Variants in AGMO observed in about 807,000 individuals in gnomAD.
The protein encoded by AGMO is alkylglycerol monooxygenase.
A neutral mutation model predicts 60.2 loss-of-function variants in AGMO; 75 were observed. The ratio of observed to expected loss-of-function variants is 1.25; its 90% CI spans 1.03 to 1.51. The LOEUF (loss-of-function observed/expected upper bound fraction) is 1.51, where lower values mean the gene tolerates loss of function less well. Ranked by LOEUF, AGMO falls within the 40% of genes most tolerant of loss-of-function variation. AGMO has a pLI of 0.00. For synonymous variants in AGMO, 261 were observed against 177.1 expected, an observed-to-expected ratio of 1.47 and a Z score of -3.76; for missense variants, 763 against 525.5, an observed-to-expected ratio of 1.45 and a Z score of -4.42.
chr7:15,271,961 G>A (rs1783623740), intron 12 of AGMO, among the ~76,000 whole-genome samples: 1 of 152,004 alleles, frequency 6.6e-6, no homozygotes, highest in East Asian at 1.9e-4. Flanking sequence ...TATGCAGTGG[G>A]TCACATTTAT....
intron 12 of AGMO, among the ~76,000 whole-genome samples, chr7:15,323,870 T>A (rs1781257310): frequency 6.6e-6 from 1 of 152,208 alleles, no homozygotes; most frequent in African/African-American, 2.4e-5. Flanking sequence ...TTCTTTGCTT[T>A]CAGCTTGTTT....
intron 3 of AGMO, among the ~76,000 whole-genome samples, chr7:15,442,719 A>C (rs1781592264): frequency 6.6e-6 from 1 of 151,724 alleles, no homozygotes; most frequent in Non-Finnish European, 1.5e-5. Flanking sequence ...GAGGACAGGC[A>C]CTCCTGCCTT....
chr7:15,380,261 C>A (rs1279730916), intron 10 of AGMO, among the ~76,000 whole-genome samples: 1 of 152,022 alleles, frequency 6.6e-6, no homozygotes, highest in Non-Finnish European at 1.5e-5. Flanking sequence ...CCTAGAAAAC[C>A]CCATGGTGTC....
At chr7:15,280,891 A>G (rs1052758087) in intron 12 of AGMO, among the ~76,000 whole-genome samples, 7 of 152,218 alleles carry the variant, frequency 4.6e-5, no homozygotes, top group Admixed American at 1.3e-4. Context: ...TCTAATGTAG[A>G]TAGAGTCTAC....
intron 12 of AGMO, among the ~76,000 whole-genome samples, chr7:15,326,515 C>T (rs548976725): frequency 6.6e-6 from 1 of 152,296 alleles, no homozygotes; most frequent in African/African-American, 2.4e-5. Context: ...GAAGGCCTCT[C>T]AAGGATGCTT....
At chr7:15,345,120 C>G (rs1234044005) in intron 12 of AGMO, among the ~76,000 whole-genome samples, 1 of 152,168 alleles carries the variant, frequency 6.6e-6, no homozygotes, top group African/African-American at 2.4e-5. Flanking sequence ...AAATGCAAAT[C>G]TAATCAAATG....
At chr7:15,229,557 A>G (rs2128499050) in intron 12 of AGMO, among the ~76,000 whole-genome samples, 1 of 149,706 alleles carries the variant, frequency 6.7e-6, no homozygotes, top group Middle Eastern at 3.5e-3. Flanking sequence ...ACCCTTTGAA[A>G]AGTGAGTTCA....
intron 3 of AGMO, among the ~76,000 whole-genome samples, chr7:15,526,758 G>C (rs1784139563): frequency 1.3e-5 from 2 of 152,110 alleles, no homozygotes; most frequent in Non-Finnish European, 2.9e-5. Context: ...GCAAATTGAA[G>C]GTTTGTGGCA....
At chr7:15,298,899 CTT>C (rs1784477419) in intron 12 of AGMO, among the ~76,000 whole-genome samples, 4 of 152,266 alleles carry the variant, frequency 2.6e-5, no homozygotes, top group African/African-American at 4.8e-5. Flanking sequence ...ATTCATCACT[CTT>C]TGTCTCGCTC....
intron 12 of AGMO, among the ~76,000 whole-genome samples, chr7:15,273,628 C>T (rs1783683999): frequency 6.6e-6 from 1 of 152,032 alleles, no homozygotes; most frequent in South Asian, 2.1e-4. Flanking sequence ...TCCATATGAA[C>T]TTTAAAGTAG....
At chr7:15,240,929 T>C (rs1040219221) in intron 12 of AGMO, among the ~76,000 whole-genome samples, 3 of 152,324 alleles carry the variant, frequency 2.0e-5, no homozygotes, top group South Asian at 4.1e-4. Flanking sequence ...ACAGGAATTG[T>C]AAATAGTGAA....
chr7:15,308,045 CT>C (rs1780665173), intron 12 of AGMO, among the ~76,000 whole-genome samples: 1 of 152,096 alleles, frequency 6.6e-6, no homozygotes, highest in Admixed American at 6.6e-5. Flanking sequence ...TCCAGGCTTG[CT>C]GGTCCTCACT....
chr7:15,492,841 A>C (rs554588151), intron 3 of AGMO, among the ~76,000 whole-genome samples: 47 of 152,042 alleles, frequency 3.1e-4, no homozygotes, highest in African/African-American at 1.1e-3. Flanking sequence ...TCCTTTTGCA[A>C]CCTCTCCTTT....
chr7:15,500,100 T>A (rs976374299), intron 3 of AGMO, among the ~76,000 whole-genome samples: 1 of 151,798 alleles, frequency 6.6e-6, no homozygotes, highest in Non-Finnish European at 1.5e-5. Flanking sequence ...ACAGTTTTGG[T>A]TTTGGATGCA....
intron 12 of AGMO, among the ~76,000 whole-genome samples, chr7:15,253,754 G>A (rs143319387): frequency 5.7e-4 from 87 of 152,136 alleles, no homozygotes; most frequent in African/African-American, 2.0e-3. Context: ...GTTATTGTTA[G>A]CTATAGTCAC....
chr7:15,403,660 G>T (rs550428504), intron 5 of AGMO, among the ~76,000 whole-genome samples: 49 of 152,020 alleles, frequency 3.2e-4, no homozygotes, highest in African/African-American at 1.1e-3. Context: ...ATAGTTTCTT[G>T]TTCTGAATTA....
At chr7:15,176,946 A>G in the AGMO span, among the ~76,000 whole-genome samples, 2 of 152,160 alleles carry the variant, frequency 1.3e-5, no homozygotes, top group African/African-American at 4.8e-5. Flanking sequence ...ATGACTTACC[A>G]CTGCTTAATC....
chr7:15,322,490 A>G (rs1715871350), intron 12 of AGMO, among the ~76,000 whole-genome samples: 1 of 85,780 alleles, frequency 1.2e-5, no homozygotes, highest in Admixed American at 1.9e-4. Flanking sequence ...ATATATAAAT[A>G]TATATAAATA....
chr7:15,382,062 G>T (rs1783715650), intron 10 of AGMO, among the ~76,000 whole-genome samples: 1 of 151,802 alleles, frequency 6.6e-6, no homozygotes, highest in Non-Finnish European at 1.5e-5. Flanking sequence ...TTTACTATTG[G>T]GTACTAGGCT....
Sources: allele counts gnomAD v4.1 joint callset (sites outside exome capture counted in the v4.1 genomes callset), GRCh38; gene constraint gnomAD v4.1.1; transcripts MANE v1.5; gene names NCBI Gene and HGNC (gene_info 2026-07-23, HGNC 2026-07-21).